Variants in SVIL observed in about 807,000 individuals in gnomAD.
The protein encoded by SVIL is archvillin.
A neutral mutation model predicts 240.4 loss-of-function variants in SVIL; 101 were observed. The ratio of observed to expected loss-of-function variants is 0.42; its 90% CI spans 0.36 to 0.50. The LOEUF is 0.50. Ranked by LOEUF, SVIL falls within the 20% of genes least tolerant of loss-of-function variation. The pLI, the probability that SVIL is intolerant of heterozygous loss-of-function variation, is 0.01. For missense variants in SVIL, 2,512 were observed against 2,818.7 expected (o/e 0.89, Z 2.46); for synonymous variants, 999 against 1,100.0 (o/e 0.91, Z 1.82).
intron 3 of SVIL, among the ~76,000 whole-genome samples, chr10:29,646,414 T>C (rs1002111572): frequency 6.6e-6 from 1 of 152,070 alleles, no homozygotes; most frequent in Non-Finnish European, 1.5e-5. Flanking sequence ...CTTTCACAAA[T>C]CCGCTGCCCA....
chr10:29,507,766 T>C, intron 17 of SVIL: 1 of 985,378 alleles, frequency 1.0e-6, no homozygotes, highest in Non-Finnish European at 1.2e-6. Flanking sequence ...GACAGGTATT[T>C]ATGGGCAGCA....
chr10:29,700,048 T>G (rs10826677), intron 1 of SVIL, among the ~76,000 whole-genome samples: 86,100 of 152,090 alleles, frequency 0.57, 24,646 homozygotes, highest in East Asian at 0.83. Context: ...AAAAGTAAGA[T>G]ATGACACACT....
intron 3 of SVIL, among the ~76,000 whole-genome samples, chr10:29,651,619 T>TCTCTCTCTCTCTCC (rs775030670): frequency 3.4e-3 from 59 of 17,228 alleles, no homozygotes; most frequent in Non-Finnish European, 4.9e-3. Context: ...CCACATGCAT[T>TCTCTCTCTCTCTCC]CTCTCTCTCT....
intron 1 of SVIL, among the ~76,000 whole-genome samples, chr10:29,581,267 T>A (rs980205496): frequency 1.3e-5 from 2 of 152,158 alleles, no homozygotes; most frequent in African/African-American, 2.4e-5. Context: ...CCTGAGAAAA[T>A]TGCCCCTAGG....
intron 17 of SVIL, among the ~76,000 whole-genome samples, chr10:29,501,998 T>A (rs548357029): frequency 6.6e-6 from 1 of 152,294 alleles, no homozygotes; most frequent in South Asian, 2.1e-4. Context: ...ATCCAAAATT[T>A]CGTTTTTCAA....
At chr10:29,611,961 G>T (rs36122747) in intron 1 of SVIL, among the ~76,000 whole-genome samples, 1 of 152,194 alleles carries the variant, frequency 6.6e-6, no homozygotes, top group African/African-American at 2.4e-5. Context: ...AAATGGCCCA[G>T]TGGGAGGGTG....
intron 24 of SVIL, among the ~76,000 whole-genome samples, chr10:29,486,957 G>A (rs1380357862): frequency 2.0e-5 from 3 of 152,182 alleles, no homozygotes; most frequent in Non-Finnish European, 4.4e-5. Flanking sequence ...ACACTGGGGT[G>A]TAGGTCATAG....
intron 1 of SVIL, among the ~76,000 whole-genome samples, chr10:29,583,328 G>A (rs1361608422): frequency 6.6e-6 from 1 of 152,064 alleles, no homozygotes; most frequent in African/African-American, 2.4e-5. Flanking sequence ...GACAGGGTCT[G>A]GCTCTGTTGC....
intron 17 of SVIL, 42 bp from the exon 18 acceptor site, chr10:29,499,305 G>A: frequency 6.2e-7 from 1 of 1,612,698 alleles, no homozygotes; most frequent in Non-Finnish European, 8.5e-7. Flanking sequence ...AGAGAGAAAT[G>A]ACAGCGGTGT....
chr10:29,638,129 A>G (rs1158515868), upstream of SVIL, among the ~76,000 whole-genome samples: 1 of 152,154 alleles, frequency 6.6e-6, no homozygotes, highest in Non-Finnish European at 1.5e-5. Flanking sequence ...ACTTTGTACT[A>G]TTTCTTACAA....
chr10:29,551,993 G>A (rs1953390527), intron 5 of SVIL, among the ~76,000 whole-genome samples: 1 of 151,824 alleles, frequency 6.6e-6, no homozygotes, highest in Admixed American at 6.6e-5. Context: ...ACATGTCCAT[G>A]GTGCCAGCTA....
chr10:29,650,157 C>T (rs1274557185), intron 3 of SVIL, among the ~76,000 whole-genome samples: 1 of 152,190 alleles, frequency 6.6e-6, no homozygotes, highest in African/African-American at 2.4e-5. Flanking sequence ...ATGATGTTTG[C>T]TCAAAACATT....
intron 35 of SVIL, 131 bp from the exon 36 acceptor site, chr10:29,462,532 A>T: frequency 8.5e-7 from 1 of 1,175,082 alleles, no homozygotes. Context: ...CCAGTAGTTC[A>T]TAACAACACA....
chr10:29,685,003 T>C (rs1021190725), intron 2 of SVIL, among the ~76,000 whole-genome samples: 2 of 152,142 alleles, frequency 1.3e-5, no homozygotes, highest in African/African-American at 4.8e-5. Flanking sequence ...GGGTTTGGTG[T>C]ACAGATCATC....
chr10:29,460,823 C>T (rs1401310137), intron 36 of SVIL, among the ~76,000 whole-genome samples: 1 of 152,144 alleles, frequency 6.6e-6, no homozygotes, highest in Admixed American at 6.5e-5. Flanking sequence ...GGAGGATTGT[C>T]TGAGCCTGGA....
chr10:29,524,171 G>A (rs972871149), intron 14 of SVIL, 144 bp from the exon 15 acceptor site: 1 of 971,146 alleles, frequency 1.0e-6, no homozygotes, highest in Non-Finnish European at 1.5e-6. Flanking sequence ...CCTGGACATA[G>A]TTATATAATA....
chr10:29,567,982 A>C (rs1348987602), intron 2 of SVIL, among the ~76,000 whole-genome samples: 2 of 150,474 alleles, frequency 1.3e-5, no homozygotes, highest in African/African-American at 4.9e-5. Flanking sequence ...GCGTCACTGC[A>C]CTCCAGCCTG....
intron 2 of SVIL, among the ~76,000 whole-genome samples, chr10:29,661,276 T>C (rs963919705): frequency 6.6e-6 from 1 of 151,636 alleles, no homozygotes; most frequent in Non-Finnish European, 1.5e-5. Flanking sequence ...CTTCAGAATA[T>C]ATTGACAGGA....
chr10:29,632,955 C>T (rs749381218), intron 1 of SVIL, among the ~76,000 whole-genome samples: 38 of 152,132 alleles, frequency 2.5e-4, no homozygotes, highest in Non-Finnish European at 4.4e-4. Context: ...CACCGGGTGC[C>T]GGGTGCAGGG....
Sources: allele counts gnomAD v4.1 joint callset (sites outside exome capture counted in the v4.1 genomes callset), GRCh38; gene constraint gnomAD v4.1.1; transcripts MANE v1.5; gene names NCBI Gene and HGNC (gene_info 2026-07-23, HGNC 2026-07-21).